Variants in ADCY5 observed in about 807,000 individuals in gnomAD.
ADCY5 encodes adenylate cyclase 5, also known as adenylate cyclase type 5.
ADCY5 carries 30 observed loss-of-function variants against 119.7 expected under a neutral mutation model. The observed-to-expected ratio is 0.25, with a 90% CI of 0.19 to 0.34. The LOEUF is 0.34. Among genes scored for constraint, ADCY5 ranks in the 10% least tolerant of loss-of-function variants. The pLI, the probability that ADCY5 is intolerant of heterozygous loss-of-function variation, is 1.00. For missense variants in ADCY5, 1,324 were observed against 1,775.2 expected (o/e 0.75, Z 4.57); for synonymous variants, 753 against 762.2 (o/e 0.99, Z 0.20).
chr3:123,382,888 C>T (rs985395254), intron 1 of ADCY5, among the ~76,000 whole-genome samples: 4 of 152,122 alleles, frequency 2.6e-5, no homozygotes, highest in Non-Finnish European at 4.4e-5. Context: ...CACTTAAAAA[C>T]GGTTACAAGA....
intron 1 of ADCY5, among the ~76,000 whole-genome samples, chr3:123,417,485 A>G (rs1945212827): frequency 6.6e-6 from 1 of 152,254 alleles, no homozygotes; most frequent in South Asian, 2.1e-4. Flanking sequence ...AACTGAACAG[A>G]TATTTGCACA....
At chr3:123,416,686 A>AG (rs1945191623) in intron 1 of ADCY5, among the ~76,000 whole-genome samples, 1 of 152,066 alleles carries the variant, frequency 6.6e-6, no homozygotes, top group African/African-American at 2.4e-5. Context: ...AGGGCTTGTG[A>AG]GGGGAGGAGG....
Position 123,447,700 on chromosome 3 carries a change from G to A in ADCY5, c.846C>T (p.Leu282=). Residue 282 remains leucine, a synonymous_variant, in exon 1 of 21, where the codon CTC becomes CTT. Transcript: ENST00000462833. ...CGCGGTTGCAAAGCACAGCCATGAT[G>A]AGGATCACGCCGACGGCGGCCGCCA... is the stretch of plus-strand genomic sequence containing the variant. ...AVLAAAVGVI[L]IMAVLCNRAA... 1 of 1,603,786 alleles carries A rather than the reference G, an allele frequency of 6.2e-7. No homozygotes were observed. The highest frequency in any genetic ancestry group is 8.5e-7 in the Non-Finnish European group (1 of 1,174,016).
chr3:123,356,271 T>C (rs6778215), intron 1 of ADCY5, among the ~76,000 whole-genome samples: 80,825 of 151,966 alleles, frequency 0.53, 22,524 homozygotes, highest in African/African-American at 0.7. Flanking sequence ...ACCAAACATA[T>C]AAATAACAAA....
At chr3:123,401,109 CTATT>C (rs779257682) in intron 1 of ADCY5, among the ~76,000 whole-genome samples, 61 of 152,286 alleles carry the variant, frequency 4.0e-4, no homozygotes, top group Non-Finnish European at 6.0e-4. Flanking sequence ...CTAATAGTGG[CTATT>C]TAGAGTGACG....
chr3:123,286,560 A>ATCACCCTTG lies in ADCY5; in HGVS notation c.3657+116_3657+124dup. On this transcript the variant is annotated intron_variant, in intron 20 of 20. Transcript: ENST00000462833. The surrounding 1 kb of genome is among the most constrained non-coding windows in gnomAD (Gnocchi z 4.2). ...CCAAGACATCAGCGTCAACAGCCCC[A>ATCACCCTTG]TCACCCTTGAATCTGGCTGCAGACA... is the stretch of plus-strand genomic sequence containing the variant. 1 of 1,348,148 alleles carries ATCACCCTTG rather than the reference A, an allele frequency of 7.4e-7. No homozygotes were observed. Among genetic ancestry groups the ATCACCCTTG allele is most frequent in the Non-Finnish European group, 1.0e-6 (1 of 1,000,502 alleles). The allele number at this position is 1,348,148 out of a possible 1,614,324, so 83.5% of individuals were successfully genotyped here.
intron 1 of ADCY5, among the ~76,000 whole-genome samples, chr3:123,406,176 ACCAGAGACAGCCTCTAGGCT>A (rs1443931428): frequency 6.6e-6 from 1 of 152,178 alleles, no homozygotes; most frequent in Non-Finnish European, 1.5e-5. Context: ...GTACTGAACA[ACCAGAGACAGCCTCTAGGCT>A]CCAGGGCCTG....
At chr3:123,416,513 G>A (rs916288164) in intron 1 of ADCY5, among the ~76,000 whole-genome samples, 16 of 152,220 alleles carry the variant, frequency 1.1e-4, no homozygotes, top group African/African-American at 3.9e-4. Context: ...AACTGGTAGA[G>A]ACCTCAAGAT....
rs780526569 is a variant in ADCY5, at chr3:123,303,838, A to AAAGAGAAGAGAAGAGAAGAG, written c.2559+209_2559+228dup. On this transcript the variant is annotated intron_variant, in intron 13 of 20. Transcript: ENST00000462833. Reference sequence around the variant, plus strand: ...AGACTCTGTCTCAAAACTGGAAAGAAAAGAGAAGAGAAGAGAAGAGAAGAG... The same window carrying AAAGAGAAGAGAAGAGAAGAG: ...AGACTCTGTCTCAAAACTGGAAAGAAAAGAGAAGAGAAGAGAAGAGAAGAGAAGAGAAGAGAAGAGAAGAG... Among the ~76,000 whole-genome samples, 82 of 99,438 alleles carry AAAGAGAAGAGAAGAGAAGAG rather than the reference A, an allele frequency of 8.2e-4. 1 individual carries two copies. The highest frequency in any genetic ancestry group is 4.2e-3 in the Middle Eastern group (1 of 236). 65.2% of individuals were successfully genotyped at this position (99,438 alleles called of 152,430 possible).
chr3:123,366,491 G>A (rs1048830211), intron 1 of ADCY5, among the ~76,000 whole-genome samples: 2 of 152,202 alleles, frequency 1.3e-5, no homozygotes, highest in Non-Finnish European at 1.5e-5. Flanking sequence ...GAGATGTGGT[G>A]ACAGAAAAGG....
intron 7 of ADCY5, among the ~76,000 whole-genome samples, chr3:123,326,719 C>T (rs1024699725): frequency 6.6e-6 from 1 of 152,194 alleles, no homozygotes; most frequent in South Asian, 2.1e-4. Context: ...GAGGGTCTGA[C>T]ACAGCTCCCA....
Position 123,352,673 on chromosome 3 carries a change from C to T in ADCY5, c.1135-92G>A, listed in dbSNP as rs1576612732. 1 of 1,423,760 alleles carries T rather than the reference C, an allele frequency of 7.0e-7. No individual in the cohort carries two copies. Among genetic ancestry groups the T allele is most frequent in the East Asian group, 2.4e-5 (1 of 41,614 alleles). 88.2% of individuals were successfully genotyped at this position (1,423,760 alleles called of 1,614,324 possible). On this transcript the variant is annotated intron_variant, in intron 1 of 20. Coordinates refer to ENST00000462833, the MANE Select transcript of ADCY5 (RefSeq NM_183357.3). This position sits in a 1 kb window ranked among gnomAD's most constrained non-coding sequence, Gnocchi z 4.8. ...CTCAGCCCCTGTCTCAGCAAACTCACACCTGGCGCTAGCAAACAAATGCTG... is the reference window on the plus strand; with the variant it reads ...CTCAGCCCCTGTCTCAGCAAACTCATACCTGGCGCTAGCAAACAAATGCTG...
chr3:123,446,205 T>C (rs912536026), intron 1 of ADCY5, among the ~76,000 whole-genome samples: 2 of 152,180 alleles, frequency 1.3e-5, no homozygotes, highest in African/African-American at 4.8e-5. Flanking sequence ...AAGAATACTA[T>C]GTCCAGGAAG....
chr3:123,414,868 A>C (rs912046584), intron 1 of ADCY5, among the ~76,000 whole-genome samples: 2 of 152,172 alleles, frequency 1.3e-5, no homozygotes, highest in African/African-American at 4.8e-5. Context: ...CTGATGGCTC[A>C]TCTTTAAAGC....
At chr3:123,371,140 C>G (rs1383604950) in intron 1 of ADCY5, among the ~76,000 whole-genome samples, 4 of 152,180 alleles carry the variant, frequency 2.6e-5, no homozygotes, top group Admixed American at 6.5e-5. Context: ...TCTGCAGTAT[C>G]TCAAGAAGAC....
chr3:123,419,417 T>TC (rs1945255063), intron 1 of ADCY5, among the ~76,000 whole-genome samples: 1 of 152,058 alleles, frequency 6.6e-6, no homozygotes, highest in African/African-American at 2.4e-5. Flanking sequence ...TCCTTCCTAC[T>TC]CCCACCTCAG....
intron 3 of ADCY5, among the ~76,000 whole-genome samples, chr3:123,333,217 GAGA>G (rs1941855100): frequency 6.6e-6 from 1 of 152,212 alleles, no homozygotes; most frequent in Non-Finnish European, 1.5e-5. Flanking sequence ...GTGACGATAT[GAGA>G]AGGTGGCCGT....
In ADCY5 at chr3:123,383,285, C is replaced by T. The variant is rs75824012; in HGVS notation, c.1135-30704G>A. ...CCAAGTCAGTAGCCATAGTGTGTGT[C>T]AGAAAGGGAGGGAGGAGGCATCATT... On this transcript the variant is annotated intron_variant, in intron 1 of 20. Coordinates refer to ENST00000462833, the MANE Select transcript of ADCY5 (RefSeq NM_183357.3). Among the ~76,000 whole-genome samples, 123 of 152,310 alleles carry T rather than the reference C, an allele frequency of 8.1e-4. No individual in the cohort carries two copies. The East Asian group carries it at 0.022, about 27-fold the overall frequency.
chr3:123,448,594 CG>C lies in ADCY5; in HGVS notation c.-50del. On this transcript the variant is annotated 5_prime_UTR_variant, in exon 1 of 21. Coordinates refer to ENST00000462833, the MANE Select transcript of ADCY5 (RefSeq NM_183357.3). ...CTTCCTCCTCCCCCGGAAGCCGGGC[CG>C]GGGGTCTCCAAGGGGAGGGCGGACG... The C allele has an allele frequency of 7.9e-7, 1 of 1,265,558 alleles. No homozygotes were observed. The highest frequency in any genetic ancestry group is 9.9e-7 in the Non-Finnish European group (1 of 1,007,648). 78.4% of individuals were successfully genotyped at this position (1,265,558 alleles called of 1,614,324 possible). A position where few individuals can be genotyped will look rare whatever the true frequency, so the allele number is the denominator to read the frequency against.
Sources: allele counts gnomAD v4.1 joint callset (sites outside exome capture counted in the v4.1 genomes callset), GRCh38; gene constraint gnomAD v4.1.1; non-coding constraint Gnocchi (gnomAD v3.1); transcripts MANE v1.5; gene names NCBI Gene and HGNC (gene_info 2026-07-23, HGNC 2026-07-21).